TRAP1: variants seen among roughly 807,000 people sequenced by gnomAD.
The protein encoded by TRAP1 is TNF receptor associated protein 1.
In TRAP1, 102 loss-of-function variants were observed where a neutral mutation model predicts 89.1. That is an observed-to-expected ratio of 1.15 (90% CI 0.98 to 1.35). TRAP1 has a LOEUF of 1.35. Ranked by LOEUF, TRAP1 falls within the 40% of genes most tolerant of loss-of-function variation. The probability of loss-of-function intolerance (pLI) is 0.00; values close to 1 mark genes in which losing one functional copy is unlikely to be tolerated. For missense variants in TRAP1, 1,256 were observed against 945.3 expected, an observed-to-expected ratio of 1.33 and a Z score of -4.31; for synonymous variants, 508 against 388.0, an observed-to-expected ratio of 1.31 and a Z score of -3.64.
intron 1 of TRAP1, among the ~76,000 whole-genome samples, chr16:3,691,469 C>T (rs2051213772): frequency 6.6e-6 from 1 of 152,222 alleles, no homozygotes; most frequent in Admixed American, 6.5e-5. Context: ...CATCTTCCCG[C>T]CTTGGCCTTA....
intron 14 of TRAP1, chr16:3,663,169 T>TA (rs1323450090): frequency 1.5e-5 from 10 of 660,216 alleles, no homozygotes; most frequent in Middle Eastern, 8.3e-4. Flanking sequence ...GTTAGGGCTT[T>TA]AAAAAAATAC....
At chr16:3,664,516 CAACT>C (rs2050781498) in intron 12 of TRAP1, 57 bp from the exon 13 acceptor site, 1 of 1,536,920 alleles carries the variant, frequency 6.5e-7, no homozygotes, top group Non-Finnish European at 8.7e-7. Context: ...CAATGTTGCC[CAACT>C]AACTGGGCGC....
At chr16:3,710,879 A>ATATTTTTTT (rs71133652) in intron 1 of TRAP1, among the ~76,000 whole-genome samples, 132 of 125,786 alleles carry the variant, frequency 1.0e-3, no homozygotes, top group African/African-American at 4.0e-3. Context: ...ATATATATAT[A>ATATTTTTTT]TTTTTTTTTT....
chr16:3,686,165 C>A (rs754502133), intron 3 of TRAP1, 29 bp from the exon 4 acceptor site: 24 of 1,610,074 alleles, frequency 1.5e-5, no homozygotes, highest in Non-Finnish European at 2.0e-5. Context: ...GAGGCACAGA[C>A]AATGAAGGAC....
chr16:3,662,113 G>C lies in TRAP1; in HGVS notation c.1814C>G (p.Thr605Ser). The change falls in exon 16 of 18, where the codon ACC (threonine) becomes AGC (serine). Residue 605 changes from threonine (T) to serine (S), a missense_variant. By Grantham distance (58) the Thr-to-Ser change is moderately conservative. Transcript: ENST00000246957. The part of the protein sequence containing the change: ...TNVKVTLRLD[T>S]HPAMVTVLEM... ...CAGCACGGTGACCATGGCAGGGTGGGTGTCCAGTCGGAGGGTCACCTGTGA... is the reference window on the plus strand; with the variant it reads ...CAGCACGGTGACCATGGCAGGGTGGCTGTCCAGTCGGAGGGTCACCTGTGA... 1 of 1,612,856 alleles carries C rather than the reference G, an allele frequency of 6.2e-7. No homozygotes were observed. Among genetic ancestry groups the C allele is most frequent in the South Asian group, 1.1e-5 (1 of 91,022 alleles).
At position 3,679,753 on chromosome 16, in the gene TRAP1, G is replaced by C. The variant is rs2051050010; in HGVS notation, c.509C>G (p.Ser170Cys). ...GIGMTQEELV[S>C]NLGTIARSGS... ...CGATCTGGCAATCGTCCCCAGGTTGGACACCAGCTCTTCCTGTGTCATCCC... is the reference window on the plus strand; with the variant it reads ...CGATCTGGCAATCGTCCCCAGGTTGCACACCAGCTCTTCCTGTGTCATCCC... Residue 170 changes from serine (S) to cysteine (C), a missense_variant, in exon 5 of 18, where the codon TCC becomes TGC. Ser to Cys is a moderately radical substitution (Grantham distance 112). Coordinates refer to ENST00000246957, the MANE Select transcript of TRAP1 (RefSeq NM_016292.3). The C allele has an allele frequency of 6.2e-7, 1 of 1,613,996 alleles. No individual in the cohort carries two copies.
intron 1 of TRAP1, among the ~76,000 whole-genome samples, chr16:3,706,384 G>C (rs896206292): frequency 6.6e-6 from 1 of 151,134 alleles, no homozygotes; most frequent in South Asian, 2.1e-4. Context: ...AGGCTTAAGC[G>C]ATCCTCCCAC....
chr16:3,668,312 G>A (rs575653569), intron 11 of TRAP1, among the ~76,000 whole-genome samples: 62 of 151,940 alleles, frequency 4.1e-4, no homozygotes, highest in Non-Finnish European at 5.9e-4. Context: ...TGCCTGCCTC[G>A]GCCTCCCAAA....
In TRAP1 at chr16:3,709,242, A is replaced by G. The variant is rs555051624; in HGVS notation, c.88+8179T>C. ...AACTCCATCTCAAAAAAAAAAAAAA[A>G]AAAAAGAAAAAGGCCATTGGTTCAA... On this transcript the variant is annotated intron_variant, in intron 1 of 17. Transcript: ENST00000246957. Among the ~76,000 whole-genome samples the G allele has an allele frequency of 3.1e-3, 467 of 151,752 alleles. 8 individuals carry two copies. The highest frequency in any genetic ancestry group is 0.01 in the African/African-American group (425 of 41,416).
At chr16:3,692,287 G>T (rs2051224859) in intron 1 of TRAP1, among the ~76,000 whole-genome samples, 1 of 152,172 alleles carries the variant, frequency 6.6e-6, no homozygotes, top group Non-Finnish European at 1.5e-5. Flanking sequence ...CGTAAACCCA[G>T]CACTTTGGGA....
intron 16 of TRAP1, chr16:3,661,551 C>G (rs1169404677): frequency 1.9e-5 from 3 of 156,452 alleles, no homozygotes; most frequent in African/African-American, 7.2e-5. Context: ...TCTGCTGTGC[C>G]GAGGTGGGTT....
chr16:3,705,073 T>A (rs2051422035), intron 1 of TRAP1, among the ~76,000 whole-genome samples: 1 of 150,694 alleles, frequency 6.6e-6, no homozygotes, highest in Non-Finnish European at 1.5e-5. Context: ...CACAGAACAT[T>A]TTTTTTTTTG....
intron 3 of TRAP1, among the ~76,000 whole-genome samples, chr16:3,687,791 C>T (rs972574029): frequency 3.4e-5 from 5 of 147,754 alleles, no homozygotes; most frequent in Non-Finnish European, 7.4e-5. Flanking sequence ...GAGGTTGCAG[C>T]GAGCCGAGAT....
At chr16:3,668,702 G>A (rs12447040) in intron 11 of TRAP1, among the ~76,000 whole-genome samples, 9,318 of 152,192 alleles carry the variant, frequency 0.061, 443 homozygotes, top group Non-Finnish European at 0.097. Context: ...TGCAGCTTCG[G>A]GCACTACCAG....
intron 1 of TRAP1, among the ~76,000 whole-genome samples, chr16:3,712,272 A>AGC (rs2051541165): frequency 7.4e-6 from 1 of 134,914 alleles, no homozygotes; most frequent in African/African-American, 2.8e-5. Flanking sequence ...CTGGCGACAG[A>AGC]AAGAATCTGT....
chr16:3,689,233 A>G, intron 2 of TRAP1, 96 bp from the exon 3 acceptor site: 1 of 743,514 alleles, frequency 1.3e-6, no homozygotes, highest in Non-Finnish European at 2.1e-6. Flanking sequence ...TAAGTTTATG[A>G]GTTTTAAACT....
intron 4 of TRAP1, among the ~76,000 whole-genome samples, chr16:3,684,037 G>A (rs1368695120): frequency 6.6e-6 from 1 of 151,892 alleles, no homozygotes; most frequent in Non-Finnish European, 1.5e-5. Context: ...GTGGTGGCAT[G>A]TGCCTGTAAA....
At chr16:3,682,009 A>G (rs1567233872) in intron 4 of TRAP1, among the ~76,000 whole-genome samples, 1 of 152,216 alleles carries the variant, frequency 6.6e-6, no homozygotes, top group Non-Finnish European at 1.5e-5. Flanking sequence ...TTAAGGATCG[A>G]CACATGGATG....
At chr16:3,670,019 T>A (rs2050890324) in intron 11 of TRAP1, among the ~76,000 whole-genome samples, 1 of 151,324 alleles carries the variant, frequency 6.6e-6, no homozygotes, top group Non-Finnish European at 1.5e-5. Context: ...AAAAACAACA[T>A]GGGAAGTGGT....
Sources: gnomAD v4.1 joint callset for allele counts (sites outside exome capture counted in the v4.1 genomes callset) on GRCh38, gnomAD v4.1.1 for gene constraint, MANE v1.5 for transcripts, NCBI Gene and HGNC (gene_info 2026-07-23, HGNC 2026-07-21) for gene names.